Variants in SACS observed in about 807,000 individuals in gnomAD.
The protein encoded by SACS is sacsin.
Under a neutral mutation model 348.0 loss-of-function variants are expected in SACS, and 197 were observed. The observed-to-expected ratio is 0.57, with a 90% confidence interval of 0.50 to 0.64. The LOEUF (loss-of-function observed/expected upper bound fraction) is 0.64. Among genes scored for constraint, SACS ranks in the 30% least tolerant of loss-of-function variants. The pLI is 0.00. For synonymous variants in SACS, 1,985 were observed against 1,910.6 expected (o/e 1.04, Z -1.02); for missense variants, 4,999 against 5,360.8 (o/e 0.93, Z 2.11).
Position 23,335,293 on chromosome 13 carries a change from A to G in SACS, c.8583T>C (p.Tyr2861=), listed in dbSNP as rs1480222599. 3.1e-6 allele frequency: 5 copies of G among 1,613,862 alleles called. No homozygotes were observed. The African/African-American group carries it at 5.3e-5, about 17-fold the overall frequency. ...GGVAACITHN[Y]KKPHRAFCFL... Reference sequence around the variant, plus strand: ...AACAGAAGGCCCTATGGGGTTTTTTATAGTTGTGAGTAATGCAGGCAGCTA... The same window carrying G: ...AACAGAAGGCCCTATGGGGTTTTTTGTAGTTGTGAGTAATGCAGGCAGCTA... Residue 2861 remains tyrosine (Y), a synonymous_variant, in exon 10 of 10, where the codon TAT becomes TAC. Transcript: ENST00000382292. This position sits in a 1 kb window ranked among gnomAD's most constrained non-coding sequence, Gnocchi z 4.7.
At chr13:23,370,413 A>G (rs1296737471) in intron 4 of SACS, among the ~76,000 whole-genome samples, 2 of 152,200 alleles carry the variant, frequency 1.3e-5, no homozygotes, top group African/African-American at 2.4e-5. Context: ...CATCTCCAAA[A>G]GTTTCCTCCC....
intron 1 of SACS, among the ~76,000 whole-genome samples, chr13:23,419,491 C>T (rs1485186395): frequency 6.6e-6 from 1 of 151,844 alleles, no homozygotes; most frequent in African/African-American, 2.4e-5. Context: ...CATTTCATTT[C>T]GCAATGTGGT....
rs755781227 is a variant in SACS at position 23,375,285 on chromosome 13, G to C, written c.21-16C>G. The C allele has an allele frequency of 7.0e-7, 1 of 1,434,818 alleles. No individual in the cohort carries two copies. The highest frequency in any genetic ancestry group is 1.5e-5 in the African/African-American group (1 of 67,674). The allele number at this position is 1,434,818 out of a possible 1,614,324, so 88.9% of individuals were successfully genotyped here. ...CGGGACCCACCTGTGGAAAGCAGAG[G>C]GACGCTCAGTCGGGCTGCGGCTGCC... On this transcript the variant is annotated splice_polypyrimidine_tract_variant and intron_variant, in intron 2 of 9. Coordinates refer to ENST00000382292, the MANE Select transcript of SACS (RefSeq NM_014363.6).
rs574694785 is a variant in SACS, at chr13:23,384,786, T to C, written c.21-9517A>G. On this transcript the variant is annotated intron_variant, in intron 2 of 9. Transcript: ENST00000382292. The stretch of plus-strand genomic sequence containing the variant: ...CTTTTTCATTTTTTGGGCCAAAATT[T>C]CATTTTTTTGGCACAGGAATACCTC... Among the ~76,000 whole-genome samples the C allele has an allele frequency of 7.2e-5, 11 of 152,318 alleles. No individual in the cohort carries two copies. The East Asian group carries it at 2.1e-3, about 29-fold the overall frequency.
At chr13:23,390,810 T>C (rs1872503004) in intron 2 of SACS, among the ~76,000 whole-genome samples, 2 of 152,244 alleles carry the variant, frequency 1.3e-5, no homozygotes, top group South Asian at 4.1e-4. Flanking sequence ...AGAGCACTGA[T>C]TCCAGTGCCC....
At chr13:23,381,907 A>G (rs1357281982) in intron 2 of SACS, among the ~76,000 whole-genome samples, 1 of 152,214 alleles carries the variant, frequency 6.6e-6, no homozygotes, top group African/African-American at 2.4e-5. Flanking sequence ...GGAAAAATGA[A>G]TCATAGAAAC....
intron 6 of SACS, 41 bp downstream of exon 6, chr13:23,365,125 A>C (rs1870979225): frequency 8.1e-7 from 1 of 1,239,114 alleles, no homozygotes; most frequent in East Asian, 2.3e-5. Context: ...ACTGCCTGTT[A>C]GTGCATACAA....
intron 2 of SACS, among the ~76,000 whole-genome samples, chr13:23,403,203 A>T (rs903009059): frequency 6.6e-6 from 1 of 152,074 alleles, no homozygotes; most frequent in African/African-American, 2.4e-5. Context: ...TCCTTCTCAC[A>T]AGTTCCAGCA....
At chr13:23,352,472 GCTGGTAATCTTCTGTGTAATCTT>G (rs1281459743) in intron 9 of SACS, among the ~76,000 whole-genome samples, 2 of 152,186 alleles carry the variant, frequency 1.3e-5, no homozygotes, top group Admixed American at 6.5e-5. Context: ...GGCTTTTGGG[GCTGGTAATCTTCTGTGTAATCTT>G]CTGGTAATCT....
At chr13:23,410,968 T>C (rs1201115049) in intron 2 of SACS, among the ~76,000 whole-genome samples, 3 of 152,166 alleles carry the variant, frequency 2.0e-5, no homozygotes, top group Non-Finnish European at 4.4e-5. Context: ...TCTAGTTAGC[T>C]CTCCATTGCA....
intron 2 of SACS, among the ~76,000 whole-genome samples, chr13:23,383,381 T>C (rs917129831): frequency 6.6e-6 from 1 of 152,162 alleles, no homozygotes; most frequent in Non-Finnish European, 1.5e-5. Flanking sequence ...CAACCCTTCA[T>C]ATTACCATCA....
Position 23,368,391 on chromosome 13 carries a change from A to G in SACS, c.345+11T>C, listed in dbSNP as rs1360440209. The G allele has an allele frequency of 1.3e-6, 2 of 1,588,312 alleles. No individual in the cohort carries two copies. Among genetic ancestry groups the G allele is most frequent in the Admixed American group, 1.7e-5 (1 of 59,320 alleles). On this transcript the variant is annotated intron_variant, in intron 5 of 9. Transcript: ENST00000382292. ...AAAGTAAATAACACATGAACACGAC[A>G]TGTGCCCCACCTTAAGAATCTGTCC... is the stretch of plus-strand genomic sequence containing the variant.
intron 2 of SACS, among the ~76,000 whole-genome samples, chr13:23,410,158 A>G (rs1162580377): frequency 3.3e-5 from 5 of 152,242 alleles, no homozygotes; most frequent in African/African-American, 4.8e-5. Flanking sequence ...ATGTATGATG[A>G]TAGGTAAGTA....
intron 7 of SACS, 112 bp from the exon 8 acceptor site, chr13:23,356,119 T>G: frequency 1.2e-6 from 1 of 854,188 alleles, no homozygotes; most frequent in Non-Finnish European, 1.8e-6. Context: ...TAAAACAGAT[T>G]TATCTAAACA....
rs143144795 is a variant in SACS, at chr13:23,339,861, T to G, written c.4015A>C (p.Ile1339Leu). Residue 1339 changes from isoleucine to leucine, a missense_variant, in exon 10 of 10, where the codon ATA becomes CTA. By Grantham distance (5) the Ile-to-Leu change is conservative. This residue lies in a region of SACS where 3,156 missense variants were observed against 3,380.1 expected (regional missense o/e 0.93). Transcript: ENST00000382292. ...SDHISMVIQK[I>L]YLKSDQDLSE... is the part of the protein sequence containing the mutation. ...AGATCTTGGTCACTTTTGAGATATA[T>G]CTTCTGAATAACCATGGAAATATGA... 799 of 1,613,736 alleles carry G rather than the reference T, an allele frequency of 5.0e-4. 8 individuals are homozygous for G. The highest frequency in any genetic ancestry group is 7.7e-5 in the Non-Finnish European group (91 of 1,179,890).
rs1883348650 is a variant in SACS at position 23,329,764 on chromosome 13, T to G, written c.*372A>C. ...AACCAATTATATGTCCAGTGTTTCA[T>G]TAGCTCCTTCAAAAATACCATGTTA... On this transcript the variant is annotated 3_prime_UTR_variant, in exon 10 of 10. Coordinates refer to ENST00000382292, the MANE Select transcript of SACS (RefSeq NM_014363.6). The G allele has an allele frequency of 2.1e-6, 1 of 484,208 alleles. No individual in the cohort carries two copies. Among genetic ancestry groups the G allele is most frequent in the Non-Finnish European group, 3.6e-6 (1 of 276,024 alleles). The allele number at this position is 484,208 out of a possible 1,614,324, so 30.0% of individuals were successfully genotyped here.
chr13:23,400,765 C>T (rs974175246), intron 2 of SACS, among the ~76,000 whole-genome samples: 1 of 152,162 alleles, frequency 6.6e-6, no homozygotes, highest in African/African-American at 2.4e-5. Context: ...TCACACCAAC[C>T]TAACATCCTA....
At position 23,337,367 on chromosome 13, in the gene SACS, A is replaced by G. The variant is rs1182181522; in HGVS notation, c.6509T>C (p.Val2170Ala). The G allele has an allele frequency of 3.7e-6, 6 of 1,613,986 alleles. No individual in the cohort carries two copies. The highest frequency in any genetic ancestry group is 4.2e-6 in the Non-Finnish European group (5 of 1,179,906). Reference protein sequence around the residue: ...WDDMLERAVSVAEINKSDHVA... With the variant: ...WDDMLERAVSAAEINKSDHVA... ...ATGATCACTTTTATTAATTTCAGCT[A>G]CTGACACTGCACGTTCTAGCATATC... Residue 2170 changes from valine to alanine, a missense_variant, in exon 10 of 10, where the codon GTA becomes GCA. By Grantham distance (64) the Val-to-Ala change is moderately conservative (BLOSUM62 0). Transcript: ENST00000382292.
chr13:23,349,383 A>C (rs2137684331), intron 9 of SACS, among the ~76,000 whole-genome samples: 1 of 152,320 alleles, frequency 6.6e-6, no homozygotes, highest in African/African-American at 2.4e-5. Flanking sequence ...ATTTGGGGAG[A>C]GGATGAAGAC....
Sources: gnomAD v4.1 joint callset for allele counts (sites outside exome capture counted in the v4.1 genomes callset) on GRCh38, gnomAD v4.1.1 for gene constraint, gnomAD v4.1.1 regional missense constraint, Gnocchi (gnomAD v3.1) non-coding constraint, MANE v1.5 for transcripts, NCBI Gene and HGNC (gene_info 2026-07-23, HGNC 2026-07-21) for gene names.